Variants in ZNF804A observed in about 807,000 individuals in gnomAD.
The protein encoded by ZNF804A is zinc finger protein 804A.
A neutral mutation model predicts 16.5 loss-of-function variants in ZNF804A; 2 were observed. That is an observed-to-expected ratio of 0.12 (90% confidence interval 0.05 to 0.38). The LOEUF is 0.38. ZNF804A is among the 10% of genes least tolerant of loss of function. The probability of loss-of-function intolerance (pLI) is 0.99; values close to 1 mark genes in which losing one functional copy is unlikely to be tolerated. For missense variants in ZNF804A, 1,473 were observed against 1,390.7 expected, an observed-to-expected ratio of 1.06 and a Z score of -0.94; for synonymous variants, 534 against 489.6, an observed-to-expected ratio of 1.09 and a Z score of -1.20.
chr2:184,749,769 G>T (rs894047909), intron 1 of ZNF804A, among the ~76,000 whole-genome samples: 1 of 151,078 alleles, frequency 6.6e-6, no homozygotes, highest in Non-Finnish European at 1.5e-5. Flanking sequence ...TGGTTAATTG[G>T]CTTCATGGGT....
rs117251425 is a variant in ZNF804A at position 184,781,169 on chromosome 2, C to T, written c.112-85200C>T. Among the ~76,000 whole-genome samples the T allele has an allele frequency of 2.8e-4, 43 of 151,828 alleles. No individual in the cohort carries two copies. The East Asian group carries it at 8.2e-3, about 29-fold the overall frequency. ...TTCCAGAACTCTAGATTTGGGGAAA[C>T]AGAGACATCATTGCAGGAAATGACA... On this transcript the variant is annotated intron_variant, in intron 1 of 3. Coordinates refer to ENST00000302277, the MANE Select transcript of ZNF804A (RefSeq NM_194250.2).
At chr2:184,787,758 T>C (rs983951656) in intron 1 of ZNF804A, among the ~76,000 whole-genome samples, 5 of 151,968 alleles carry the variant, frequency 3.3e-5, no homozygotes, top group African/African-American at 1.2e-4. Flanking sequence ...ATTTGACCTT[T>C]ATTGGAGACA....
chr2:184,820,298 C>T (rs1296801042), intron 1 of ZNF804A, among the ~76,000 whole-genome samples: 1 of 152,114 alleles, frequency 6.6e-6, no homozygotes, highest in East Asian at 1.9e-4. Context: ...ATCACATAAA[C>T]AGAACTAAAG....
At chr2:184,820,414 C>A (rs535460809) in intron 1 of ZNF804A, among the ~76,000 whole-genome samples, 3 of 151,862 alleles carry the variant, frequency 2.0e-5, no homozygotes, top group African/African-American at 7.3e-5. Flanking sequence ...AAGGAATATA[C>A]CTCAAAATAA....
intron 1 of ZNF804A, among the ~76,000 whole-genome samples, chr2:184,605,323 A>G (rs147143037): frequency 1.9e-4 from 29 of 152,260 alleles, no homozygotes; most frequent in Admixed American, 5.2e-4. Flanking sequence ...TAACCACAAT[A>G]ATAAATATAA....
chr2:184,911,972 G>A (rs1685366545), intron 2 of ZNF804A, among the ~76,000 whole-genome samples: 1 of 151,330 alleles, frequency 6.6e-6, no homozygotes, highest in Non-Finnish European at 1.5e-5. Flanking sequence ...GATTTATTTA[G>A]AAAAGATGAG....
intron 2 of ZNF804A, among the ~76,000 whole-genome samples, chr2:184,917,900 G>A: frequency 6.6e-6 from 1 of 152,044 alleles, no homozygotes; most frequent in African/African-American, 2.4e-5. Context: ...CATGGTTATT[G>A]CCAGTATTTA....
At chr2:184,846,312 C>T (rs940127700) in intron 1 of ZNF804A, among the ~76,000 whole-genome samples, 2 of 152,116 alleles carry the variant, frequency 1.3e-5, no homozygotes, top group African/African-American at 4.8e-5. Flanking sequence ...ACTGTGAAAA[C>T]TGAGCTAGTA....
chr2:184,654,867 T>A (rs997571304), intron 1 of ZNF804A, among the ~76,000 whole-genome samples: 1 of 152,314 alleles, frequency 6.6e-6, no homozygotes, highest in East Asian at 1.9e-4. Flanking sequence ...TTCCATTGGC[T>A]ATAAGGATCT....
At chr2:184,715,904 T>C (rs191025102) in intron 1 of ZNF804A, among the ~76,000 whole-genome samples, 63 of 152,290 alleles carry the variant, frequency 4.1e-4, no homozygotes, top group African/African-American at 1.3e-3. Flanking sequence ...TGGCTCATAA[T>C]AGGCATTCAA....
intron 1 of ZNF804A, among the ~76,000 whole-genome samples, chr2:184,710,412 A>G (rs559803698): frequency 8.6e-5 from 13 of 151,682 alleles, no homozygotes; most frequent in Admixed American, 4.6e-4. Context: ...TACCATATAT[A>G]TATATTTATT....
intron 2 of ZNF804A, among the ~76,000 whole-genome samples, chr2:184,873,655 T>G (rs1696009045): frequency 6.6e-6 from 1 of 152,234 alleles, no homozygotes; most frequent in Admixed American, 6.5e-5. Flanking sequence ...ATTATGATTT[T>G]ATTGTAGAAA....
At chr2:184,675,866 T>C (rs1692420753) in intron 1 of ZNF804A, among the ~76,000 whole-genome samples, 1 of 151,758 alleles carries the variant, frequency 6.6e-6, no homozygotes, top group African/African-American at 2.4e-5. Context: ...GAAAAATATA[T>C]TATCATTGAA....
intron 1 of ZNF804A, among the ~76,000 whole-genome samples, chr2:184,726,943 G>A (rs940944568): frequency 3.3e-5 from 5 of 151,520 alleles, no homozygotes; most frequent in Non-Finnish European, 7.4e-5. Context: ...CATAATAATA[G>A]TAAAATTTAG....
At chr2:184,808,102 A>C (rs984645244) in intron 1 of ZNF804A, among the ~76,000 whole-genome samples, 5 of 151,668 alleles carry the variant, frequency 3.3e-5, no homozygotes. Flanking sequence ...ATTTACTGAT[A>C]ATATAAGACT....
At chr2:184,818,458 G>A (rs947436357) in intron 1 of ZNF804A, among the ~76,000 whole-genome samples, 5 of 151,538 alleles carry the variant, frequency 3.3e-5, no homozygotes, top group South Asian at 2.1e-4. Context: ...AAAAAATACT[G>A]TAATCCACAA....
At chr2:184,701,965 T>C (rs1692926031) in intron 1 of ZNF804A, among the ~76,000 whole-genome samples, 2 of 152,108 alleles carry the variant, frequency 1.3e-5, no homozygotes, top group East Asian at 3.9e-4. Context: ...AAGAGTTCTT[T>C]AGAGTTTAGA....
At chr2:184,778,859 C>A (rs146191519) in intron 1 of ZNF804A, among the ~76,000 whole-genome samples, 1 of 151,656 alleles carries the variant, frequency 6.6e-6, no homozygotes, top group East Asian at 1.9e-4. Flanking sequence ...ACAGTGTATA[C>A]CTCAACATCC....
chr2:184,714,246 C>G (rs897918239), intron 1 of ZNF804A, among the ~76,000 whole-genome samples: 1 of 152,022 alleles, frequency 6.6e-6, no homozygotes, highest in Non-Finnish European at 1.5e-5. Flanking sequence ...ACTTTGCTTT[C>G]TGTTCATCTT....
Sources: allele counts gnomAD v4.1 joint callset (sites outside exome capture counted in the v4.1 genomes callset), GRCh38; gene constraint gnomAD v4.1.1; transcripts MANE v1.5; gene names NCBI Gene and HGNC (gene_info 2026-07-23, HGNC 2026-07-21).